GATAD2B: variants seen among roughly 807,000 people sequenced by gnomAD.
The protein encoded by GATAD2B is GATA zinc finger domain containing 2B, also known as transcriptional repressor p66-beta.
In GATAD2B, 8 loss-of-function variants were observed where a neutral mutation model predicts 64.3. The observed-to-expected ratio is 0.12, with a 90% CI of 0.07 to 0.22. GATAD2B has a LOEUF of 0.22. Ranked by LOEUF, GATAD2B falls within the 10% of genes least tolerant of loss-of-function variation. GATAD2B has a pLI of 1.00. For missense variants in GATAD2B, 453 were observed against 752.0 expected, an observed-to-expected ratio of 0.60 and a Z score of 4.65; for synonymous variants, 281 against 271.3, an observed-to-expected ratio of 1.04 and a Z score of -0.35.
chr1:153,908,157 C>A (rs563487131), intron 1 of GATAD2B, among the ~76,000 whole-genome samples: 1 of 152,092 alleles, frequency 6.6e-6, no homozygotes, highest in Non-Finnish European at 1.5e-5. Context: ...CACTCACGCA[C>A]GCACACATCT....
chr1:153,876,316 G>C (rs1261370492), intron 1 of GATAD2B, among the ~76,000 whole-genome samples: 1 of 145,536 alleles, frequency 6.9e-6, no homozygotes, highest in Non-Finnish European at 1.5e-5. Context: ...TGTCTTACCT[G>C]AGTCAATGTC....
At chr1:153,871,132 T>A (rs1054666119) in intron 1 of GATAD2B, among the ~76,000 whole-genome samples, 2 of 152,094 alleles carry the variant, frequency 1.3e-5, no homozygotes, top group African/African-American at 4.8e-5. Flanking sequence ...AGTGGCGCGA[T>A]CTCGGCTCAC....
intron 4 of GATAD2B, 145 bp from the exon 5 acceptor site, chr1:153,818,316 T>A: frequency 7.0e-5 from 7 of 100,282 alleles, no homozygotes; most frequent in Non-Finnish European, 1.0e-4. Flanking sequence ...AAGGTTTTCT[T>A]TTTTTTTTTT....
At chr1:153,905,473 A>G (rs1677895765) in intron 1 of GATAD2B, among the ~76,000 whole-genome samples, 1 of 151,874 alleles carries the variant, frequency 6.6e-6, no homozygotes, top group Non-Finnish European at 1.5e-5. Flanking sequence ...AGCCCAAAGT[A>G]AAAAACTATG....
At chr1:153,880,699 C>T (rs1203156859) in intron 1 of GATAD2B, among the ~76,000 whole-genome samples, 1 of 151,898 alleles carries the variant, frequency 6.6e-6, no homozygotes, top group Admixed American at 6.6e-5. Context: ...CAAAAATTAG[C>T]CAGGTGTGGT....
chr1:153,890,707 CAG>C (rs1162561044), intron 1 of GATAD2B: 2 of 152,116 alleles, frequency 1.3e-5, no homozygotes, highest in Admixed American at 1.3e-4. Flanking sequence ...AAATCCAAAA[CAG>C]AGTACTAAAC....
At chr1:153,878,594 A>C (rs1676906486) in intron 1 of GATAD2B, among the ~76,000 whole-genome samples, 1 of 152,116 alleles carries the variant, frequency 6.6e-6, no homozygotes, top group African/African-American at 2.4e-5. Context: ...CAAGTTCCCA[A>C]TCAAATTAAG....
rs1674414862 is a variant in GATAD2B at position 153,815,101 on chromosome 1, A to AAAAAC, written c.1216+1171_1216+1172insGTTTT. 3.5e-5 allele frequency among the ~76,000 whole-genome samples: 5 copies of AAAAAC among 144,216 alleles called. No homozygotes were observed. In the South Asian group the frequency reaches 1.1e-3, roughly 32 times the overall value. 94.6% of individuals were successfully genotyped at this position (144,216 alleles called of 152,430 possible). A position where few individuals can be genotyped will look rare whatever the true frequency, so the allele number is the denominator to read the frequency against. ...TGTCTCAAAAAAAAAAAAAAAAAAA[A>AAAAAC]AAAAAAAAAAACCAACAAAGAAAAA... On this transcript the variant is annotated intron_variant, in intron 7 of 10. Coordinates refer to ENST00000368655, the MANE Select transcript of GATAD2B (RefSeq NM_020699.4).
intron 7 of GATAD2B, among the ~76,000 whole-genome samples, chr1:153,815,293 C>A (rs12143202): frequency 0.41 from 44,406 of 108,636 alleles, 9,457 homozygotes; most frequent in Non-Finnish European, 0.52. Context: ...AAAAAAAAAA[C>A]AAAAAAAAAA....
intron 1 of GATAD2B, among the ~76,000 whole-genome samples, chr1:153,898,512 G>A (rs2101957744): frequency 6.6e-6 from 1 of 151,892 alleles, no homozygotes; most frequent in East Asian, 2.0e-4. Context: ...GATTGCTTGA[G>A]ACCAGAAGTT....
chr1:153,892,555 A>G (rs886322292), intron 1 of GATAD2B, among the ~76,000 whole-genome samples: 10 of 152,300 alleles, frequency 6.6e-5, no homozygotes, highest in Admixed American at 2.0e-4. Context: ...CAAGGAGTTT[A>G]AAATCAGAAT....
At chr1:153,849,642 T>C (rs1377858662) in intron 1 of GATAD2B, among the ~76,000 whole-genome samples, 1 of 152,146 alleles carries the variant, frequency 6.6e-6, no homozygotes, top group Non-Finnish European at 1.5e-5. Flanking sequence ...CCTTGTTTTT[T>C]CTTTTTTTGA....
intron 1 of GATAD2B, among the ~76,000 whole-genome samples, chr1:153,845,458 T>C (rs993165502): frequency 4.6e-5 from 7 of 151,990 alleles, no homozygotes; most frequent in African/African-American, 1.7e-4. Flanking sequence ...ATTTAAAACA[T>C]TAGGCTGGGC....
At chr1:153,919,246 G>A in intron 1 of GATAD2B, among the ~76,000 whole-genome samples, 1 of 152,078 alleles carries the variant, frequency 6.6e-6, no homozygotes, top group Admixed American at 6.6e-5. Context: ...CCAGCTGATG[G>A]CAACCTAGGT....
chr1:153,819,487 C>T (rs1182538804), intron 3 of GATAD2B, 119 bp downstream of exon 3: 2 of 701,622 alleles, frequency 2.9e-6, no homozygotes, highest in Non-Finnish European at 4.6e-6. Context: ...ATAAAGTTTT[C>T]ATCAATGGGT....
chr1:153,818,761 C>G, intron 4 of GATAD2B, 30 bp downstream of exon 4: 1 of 1,607,714 alleles, frequency 6.2e-7, no homozygotes, highest in Non-Finnish European at 8.5e-7. Flanking sequence ...CTTTCCTTTC[C>G]CTTAGTCCCT....
At chr1:153,904,783 T>G (rs1157306098) in intron 1 of GATAD2B, among the ~76,000 whole-genome samples, 1 of 152,052 alleles carries the variant, frequency 6.6e-6, no homozygotes, top group Non-Finnish European at 1.5e-5. Flanking sequence ...CTCGGCTCAC[T>G]GCAATCTCCG....
chr1:153,811,459 G>T, intron 10 of GATAD2B: 1 of 486,848 alleles, frequency 2.1e-6, no homozygotes, highest in Admixed American at 4.1e-5. Context: ...GGCCAAAAGA[G>T]ATCAATAACC....
chr1:153,876,649 A>G (rs894646567), intron 1 of GATAD2B, among the ~76,000 whole-genome samples: 7 of 152,234 alleles, frequency 4.6e-5, no homozygotes, highest in Admixed American at 1.3e-4. Flanking sequence ...GTCACCTTAC[A>G]AATCAGCACA....
Sources: allele counts gnomAD v4.1 joint callset (sites outside exome capture counted in the v4.1 genomes callset), GRCh38; gene constraint gnomAD v4.1.1; transcripts MANE v1.5; gene names NCBI Gene and HGNC (gene_info 2026-07-23, HGNC 2026-07-21).